COL28A1: variants seen among roughly 807,000 people sequenced by gnomAD.
COL28A1 encodes the protein collagen type XXVIII alpha 1 chain, also known as collagen alpha-1(XXVIII) chain.
COL28A1 carries 161 observed loss-of-function variants against 150.2 expected under a neutral mutation model. The observed-to-expected ratio is 1.07, with a 90% CI of 0.94 to 1.22. COL28A1 has a LOEUF of 1.22. COL28A1 is among the 50% of genes most tolerant of loss of function. The pLI is 0.00. For synonymous variants in COL28A1, 552 were observed against 469.7 expected, an observed-to-expected ratio of 1.18 and a Z score of -2.26; for missense variants, 1,617 against 1,388.3, an observed-to-expected ratio of 1.16 and a Z score of -2.62.
intron 27 of COL28A1, among the ~76,000 whole-genome samples, chr7:7,411,602 T>A (rs1783795501): frequency 6.6e-6 from 1 of 152,150 alleles, no homozygotes; most frequent in African/African-American, 2.4e-5. Context: ...ATGGTGCTCC[T>A]ACTAAATTCC....
In COL28A1 at chr7:7,488,321, G is replaced by T. The variant is rs144312299; in HGVS notation, c.1164+1068C>A. On this transcript the variant is annotated intron_variant, in intron 13 of 34. Transcript: ENST00000399429. ...TTTGAATTAGTATGTTCAGACATTA[G>T]TGAAAAGCCTAAACCTAAATAATAT... Among the ~76,000 whole-genome samples the T allele has an allele frequency of 3.5e-3, 533 of 152,244 alleles. 4 individuals carry two copies. Among genetic ancestry groups the T allele is most frequent in the African/African-American group, 0.012 (511 of 41,534 alleles).
intron 18 of COL28A1, among the ~76,000 whole-genome samples, chr7:7,447,425 T>C (rs1786343538): frequency 1.3e-5 from 2 of 151,290 alleles, no homozygotes; most frequent in South Asian, 4.1e-4. Flanking sequence ...AAAATATTAA[T>C]ATTAATAATA....
chr7:7,389,300 T>A (rs771317963), intron 27 of COL28A1, among the ~76,000 whole-genome samples: 2 of 152,190 alleles, frequency 1.3e-5, no homozygotes, highest in Non-Finnish European at 2.9e-5. Context: ...AAAGACCAGA[T>A]GGTTGTAGAT....
At chr7:7,414,646 G>C (rs1009424786) in intron 27 of COL28A1, among the ~76,000 whole-genome samples, 1 of 152,184 alleles carries the variant, frequency 6.6e-6, no homozygotes, top group East Asian at 1.9e-4. Context: ...CTTCCACATA[G>C]AGAATCAAGA....
intron 15 of COL28A1, among the ~76,000 whole-genome samples, chr7:7,458,478 G>A (rs1787350436): frequency 6.6e-6 from 1 of 151,738 alleles, no homozygotes; most frequent in African/African-American, 2.4e-5. Context: ...AAAGAAAAAT[G>A]TATCATTAGA....
At chr7:7,498,613 T>G (rs890012409) in intron 11 of COL28A1, among the ~76,000 whole-genome samples, 3 of 152,312 alleles carry the variant, frequency 2.0e-5, no homozygotes, top group Non-Finnish European at 1.5e-5. Context: ...GTTCAAATAA[T>G]AAATATTATG....
At chr7:7,439,351 CG>C (rs1253003285) in intron 21 of COL28A1, among the ~76,000 whole-genome samples, 1 of 151,988 alleles carries the variant, frequency 6.6e-6, no homozygotes, top group African/African-American at 2.4e-5. Context: ...TGACAAGAAT[CG>C]GGAAACACAA....
intron 8 of COL28A1, among the ~76,000 whole-genome samples, chr7:7,514,583 G>A (rs75729484): frequency 0.027 from 4,166 of 152,316 alleles, 179 homozygotes; most frequent in African/African-American, 0.094. Context: ...AAGAGTGTAA[G>A]TGGAAGCCCA....
the COL28A1 span, among the ~76,000 whole-genome samples, chr7:7,350,512 T>A: frequency 6.6e-6 from 1 of 152,122 alleles, no homozygotes; most frequent in East Asian, 1.9e-4. Flanking sequence ...GTAAAACACA[T>A]AATACCTCAG....
At chr7:7,406,606 G>A (rs1167548649) in intron 27 of COL28A1, among the ~76,000 whole-genome samples, 1 of 152,186 alleles carries the variant, frequency 6.6e-6, no homozygotes, top group Non-Finnish European at 1.5e-5. Context: ...GGGCAGGATA[G>A]TGTGGTCAAG....
chr7:7,403,920 C>G (rs1783357082), intron 27 of COL28A1, among the ~76,000 whole-genome samples: 1 of 152,096 alleles, frequency 6.6e-6, no homozygotes, highest in South Asian at 2.1e-4. Context: ...TAGATAAAAA[C>G]CTTTTCCTAA....
rs1781393494 is a variant in COL28A1, at chr7:7,515,964, C to A, written c.856-124G>T. The A allele has an allele frequency of 1.1e-4, 65 of 602,000 alleles. 1 individual carries two copies. The South Asian group carries it at 1.4e-3, about 13-fold the overall frequency. The allele number at this position is 602,000 out of a possible 1,614,324, so 37.3% of individuals were successfully genotyped here. A position where few individuals can be genotyped will look rare whatever the true frequency, so the allele number is the denominator to read the frequency against. On this transcript the variant is annotated intron_variant, in intron 7 of 34. Coordinates refer to ENST00000399429, the MANE Select transcript of COL28A1 (RefSeq NM_001037763.3). ...ATCTATACAGTCTGGAAAATTAGAT[C>A]ATAGAAATGTAAACTGTTCCACTTC... is the stretch of plus-strand genomic sequence containing the variant.
At chr7:7,352,629 T>A (rs1053446021), downstream of COL28A1, among the ~76,000 whole-genome samples, 1 of 152,170 alleles carries the variant, frequency 6.6e-6, no homozygotes, top group Non-Finnish European at 1.5e-5. Context: ...CCTTTAGATG[T>A]TGGAAAAGAC....
chr7:7,532,393 G>C (rs549911363), intron 2 of COL28A1, among the ~76,000 whole-genome samples: 10 of 152,088 alleles, frequency 6.6e-5, no homozygotes, highest in African/African-American at 2.4e-4. Flanking sequence ...CACAACTTAA[G>C]TTTAAATCCC....
intron 21 of COL28A1, among the ~76,000 whole-genome samples, chr7:7,440,002 C>G (rs527928086): frequency 6.6e-6 from 1 of 152,318 alleles, no homozygotes; most frequent in African/African-American, 2.4e-5. Context: ...TTGTCTCTTT[C>G]TCACAATTAG....
chr7:7,350,337 G>A, the COL28A1 span, among the ~76,000 whole-genome samples: 1 of 152,144 alleles, frequency 6.6e-6, no homozygotes, highest in Non-Finnish European at 1.5e-5. Flanking sequence ...CAGAGAGATG[G>A]AATACAGGGA....
intron 3 of COL28A1, among the ~76,000 whole-genome samples, chr7:7,527,513 G>A (rs1410154017): frequency 6.6e-6 from 1 of 152,140 alleles, no homozygotes; most frequent in Non-Finnish European, 1.5e-5. Flanking sequence ...TGGATGGAAG[G>A]GCCCACATGG....
chr7:7,517,228 G>C (rs1291157038), intron 7 of COL28A1, among the ~76,000 whole-genome samples: 1 of 152,060 alleles, frequency 6.6e-6, no homozygotes, highest in Non-Finnish European at 1.5e-5. Flanking sequence ...GACAAGCAGA[G>C]AGGGGCAATG....
intron 2 of COL28A1, 44 bp from the exon 3 acceptor site, chr7:7,531,948 A>T: frequency 8.1e-7 from 1 of 1,238,654 alleles, no homozygotes; most frequent in Middle Eastern, 2.3e-4. Context: ...TATTCCTATC[A>T]TGAAACAAAT....
Sources: allele counts gnomAD v4.1 joint callset (sites outside exome capture counted in the v4.1 genomes callset), GRCh38; gene constraint gnomAD v4.1.1; transcripts MANE v1.5; gene names NCBI Gene and HGNC (gene_info 2026-07-23, HGNC 2026-07-21).